The following HEATR5B variants were observed in gnomAD, a reference collection of about 807,000 sequenced individuals.
The protein encoded by HEATR5B is HEAT repeat-containing protein 5B.
A neutral mutation model predicts 224.1 loss-of-function variants in HEATR5B; 156 were observed. The ratio of observed to expected loss-of-function variants is 0.70; its 90% CI spans 0.61 to 0.80. The LOEUF is 0.80. Among genes scored for constraint, HEATR5B ranks in the 30% least tolerant of loss-of-function variants. The pLI is 0.00. For missense variants in HEATR5B, 2,323 were observed against 2,535.5 expected (o/e 0.92, Z 1.80); for synonymous variants, 1,027 against 893.0 (o/e 1.15, Z -2.68).
chr2:37,082,086 T>TTTTTTTTTTTGTTTTTTTTTTTTTC (rs371663046), intron 2 of HEATR5B, among the ~76,000 whole-genome samples: 1 of 55,978 alleles, frequency 1.8e-5, no homozygotes, highest in Non-Finnish European at 3.4e-5. Flanking sequence ...TTTTTTTTTT[T>TTTTTTTTTTTGTTTTTTTTTTTTTC]CAGATGGAGT....
At chr2:37,023,846 A>G (rs1193773412) in intron 24 of HEATR5B, among the ~76,000 whole-genome samples, 1 of 152,128 alleles carries the variant, frequency 6.6e-6, no homozygotes, top group Non-Finnish European at 1.5e-5. Context: ...AGGCAAGCAG[A>G]GAAGGCAAAA....
At chr2:37,080,203 A>G (rs1672470794) in intron 2 of HEATR5B, among the ~76,000 whole-genome samples, 1 of 152,212 alleles carries the variant, frequency 6.6e-6, no homozygotes. Context: ...AAGGGACCAC[A>G]TCAGGTAATC....
intron 21 of HEATR5B, among the ~76,000 whole-genome samples, chr2:37,036,354 A>G (rs1042296580): frequency 5.3e-5 from 8 of 152,104 alleles, no homozygotes; most frequent in Non-Finnish European, 8.8e-5. Flanking sequence ...AGCCTTAATC[A>G]CACTAACTAA....
intron 24 of HEATR5B, among the ~76,000 whole-genome samples, chr2:37,021,331 C>A (rs1189024514): frequency 2.6e-5 from 4 of 152,174 alleles, no homozygotes; most frequent in Non-Finnish European, 5.9e-5. Context: ...GCCAGGTTCC[C>A]ACAATGATAG....
chr2:36,993,393 C>G (rs956658426), intron 33 of HEATR5B, among the ~76,000 whole-genome samples: 7 of 151,934 alleles, frequency 4.6e-5, no homozygotes, highest in Admixed American at 2.0e-4. Context: ...AAAAACTAGC[C>G]AGGAACGGTG....
rs371022801 is a variant in HEATR5B at position 37,032,620 on chromosome 2, A to G, written c.3361+9T>C. 5.0e-6 allele frequency: 8 copies of G among 1,604,120 alleles called. No homozygotes were observed. The highest frequency in any genetic ancestry group is 1.1e-5 in the South Asian group (1 of 88,746). On this transcript the variant is annotated intron_variant, in intron 22 of 35. Coordinates refer to ENST00000233099, the MANE Select transcript of HEATR5B (RefSeq NM_019024.3). Reference sequence around the variant, plus strand: ...ACAAAAAACAATATTGACCAATAATATAACTTACTGGCACTACTGCTCTCT... The same window carrying G: ...ACAAAAAACAATATTGACCAATAATGTAACTTACTGGCACTACTGCTCTCT...
chr2:37,068,943 G>A lies in HEATR5B; in HGVS notation c.928-13C>T, dbSNP rs768613931. 15 of 1,606,446 alleles carry A rather than the reference G, an allele frequency of 9.3e-6. No homozygotes were observed. Among genetic ancestry groups the A allele is most frequent in the Non-Finnish European group, 1.2e-5 (14 of 1,174,240 alleles). On this transcript the variant is annotated splice_polypyrimidine_tract_variant and intron_variant, in intron 7 of 35. Coordinates refer to ENST00000233099, the MANE Select transcript of HEATR5B (RefSeq NM_019024.3). ...AAACAACATACGCCTGTAAAAAGAG[G>A]AAGGTACGACTTCAGATACACTTAC...
At position 36,988,724 on chromosome 2, in the gene HEATR5B, T is replaced by C; in HGVS notation, c.5833A>G (p.Ser1945Gly). The C allele has an allele frequency of 1.5e-5, 24 of 1,614,208 alleles. No individual in the cohort carries two copies. Among genetic ancestry groups the C allele is most frequent in the Non-Finnish European group, 1.9e-5 (23 of 1,180,028 alleles). Residue 1945 changes from serine to glycine, a missense_variant, in exon 35 of 36, where the codon AGT (serine) becomes GGT (glycine). Physicochemically the swap from Ser to Gly is moderately conservative, Grantham distance 56 (BLOSUM62 0). Around this residue, in one of 12 missense-constraint regions of HEATR5B, gnomAD observed 844 missense variants for 812.9 expected, o/e 1.04. Coordinates refer to ENST00000233099, the MANE Select transcript of HEATR5B (RefSeq NM_019024.3). ...LKAVERNRPASNIELLAVQEG... is the reference protein window; with the variant it reads ...LKAVERNRPAGNIELLAVQEG... ...TGAACCGCTAAAAGCTCTATGTTAC[T>C]GGCTGGTCTGTTTCTTTCAACAGCT... is the stretch of plus-strand genomic sequence containing the variant.
chr2:37,071,380 G>C (rs1671896474), intron 6 of HEATR5B, among the ~76,000 whole-genome samples: 1 of 152,204 alleles, frequency 6.6e-6, no homozygotes, highest in Non-Finnish European at 1.5e-5. Flanking sequence ...GAACTGTGAA[G>C]CAAAGCAAGA....
intron 35 of HEATR5B, among the ~76,000 whole-genome samples, chr2:36,984,456 T>A (rs1665814819): frequency 6.6e-6 from 1 of 151,750 alleles, no homozygotes; most frequent in East Asian, 1.9e-4. Flanking sequence ...AACTGAGGAA[T>A]ACTTTGGGAT....
intron 16 of HEATR5B, 79 bp from the exon 17 acceptor site, chr2:37,053,686 A>G: frequency 1.4e-6 from 1 of 729,150 alleles, no homozygotes; most frequent in East Asian, 2.8e-5. Context: ...AGAAGAGTAC[A>G]AGTTAATTGT....
intron 18 of HEATR5B, among the ~76,000 whole-genome samples, chr2:37,042,088 G>A (rs1236994771): frequency 6.6e-6 from 1 of 151,912 alleles, no homozygotes; most frequent in Non-Finnish European, 1.5e-5. Context: ...AAAAAGAGAT[G>A]AACATTACTT....
At chr2:37,062,618 T>C (rs1279312635) in intron 10 of HEATR5B, among the ~76,000 whole-genome samples, 1 of 152,244 alleles carries the variant, frequency 6.6e-6, no homozygotes, top group Non-Finnish European at 1.5e-5. Context: ...CACTGCTTAG[T>C]TCCATCACTG....
intron 18 of HEATR5B, among the ~76,000 whole-genome samples, chr2:37,041,832 T>G (rs936220125): frequency 2.0e-5 from 3 of 151,472 alleles, no homozygotes; most frequent in Non-Finnish European, 4.4e-5. Flanking sequence ...TAGAGAAAAT[T>G]TGACAACTCA....
intron 24 of HEATR5B, among the ~76,000 whole-genome samples, chr2:37,021,756 G>A (rs1196348705): frequency 2.0e-5 from 3 of 151,872 alleles, no homozygotes; most frequent in Non-Finnish European, 4.4e-5. Context: ...GCATGGTGGC[G>A]TGGACCTGTA....
At chr2:36,986,306 T>C (rs186086045) in intron 35 of HEATR5B, among the ~76,000 whole-genome samples, 7 of 152,364 alleles carry the variant, frequency 4.6e-5, no homozygotes, top group Admixed American at 3.9e-4. Flanking sequence ...CTTTTCTGAC[T>C]TTCCCAATTT....
rs1205606914 is a variant in HEATR5B at position 37,040,363 on chromosome 2, A to G, written c.3012T>C (p.Gly1004=). ...EVHQCLGRCL[G]AIITTVGPEL... is the part of the protein sequence containing the mutation. The stretch of plus-strand genomic sequence containing the variant: ...CAGGGCCAACAGTAGTTATTATAGC[A>G]CCCAAGCATCGACCCAAACACTGAT... The change falls in exon 20 of 36, where the codon GGT becomes GGC. Residue 1004 remains glycine (G), a synonymous_variant. Coordinates refer to ENST00000233099, the MANE Select transcript of HEATR5B (RefSeq NM_019024.3). 1 of 1,613,974 alleles carries G rather than the reference A, an allele frequency of 6.2e-7. No homozygotes were observed. Among genetic ancestry groups the G allele is most frequent in the African/African-American group, 1.3e-5 (1 of 75,052 alleles).
intron 34 of HEATR5B, among the ~76,000 whole-genome samples, chr2:36,990,271 A>C (rs1276643029): frequency 2.6e-5 from 4 of 152,196 alleles, no homozygotes; most frequent in Non-Finnish European, 4.4e-5. Context: ...TGACATTGTA[A>C]AATAAAAAAT....
Position 37,053,484 on chromosome 2 carries a change from T to A in HEATR5B, c.2505+18A>T. ...ATTAAAAACTTATTTCAGAATAGTA[T>A]GTATTAAAAGTAAATACCTTTAGTG... On this transcript the variant is annotated intron_variant, in intron 17 of 35. Coordinates refer to ENST00000233099, the MANE Select transcript of HEATR5B (RefSeq NM_019024.3). 7.2e-7 allele frequency: 1 copy of A among 1,381,526 alleles called. No homozygotes were observed. Among genetic ancestry groups the A allele is most frequent in the Non-Finnish European group, 1.0e-6 (1 of 991,224 alleles). 85.6% of individuals were successfully genotyped at this position (1,381,526 alleles called of 1,614,324 possible).
Sources: gnomAD v4.1 joint callset for allele counts (sites outside exome capture counted in the v4.1 genomes callset) on GRCh38, gnomAD v4.1.1 for gene constraint, gnomAD v4.1.1 regional missense constraint, MANE v1.5 for transcripts, NCBI Gene and HGNC (gene_info 2026-07-23, HGNC 2026-07-21) for gene names.